NFIC: variants seen among roughly 807,000 people sequenced by gnomAD.
NFIC encodes the protein nuclear factor 1 C-type.
Under a neutral mutation model 54.4 loss-of-function variants are expected in NFIC, and 12 were observed. The observed-to-expected ratio is 0.22, with a 90% CI of 0.14 to 0.36. NFIC has a LOEUF of 0.36. NFIC is among the 10% of genes least tolerant of loss of function. NFIC has a pLI of 1.00. For synonymous variants in NFIC, 322 were observed against 319.2 expected (o/e 1.01, Z -0.09); for missense variants, 575 against 718.2 (o/e 0.80, Z 2.28).
chr19:3,463,471 C>T lies in NFIC; in HGVS notation c.*702C>T. 1.0e-6 allele frequency: 1 copy of T among 985,420 alleles called. No homozygotes were observed. The highest frequency in any genetic ancestry group is 4.7e-5 in the South Asian group (1 of 21,298). 61.0% of individuals were successfully genotyped at this position (985,420 alleles called of 1,614,324 possible). A position where few individuals can be genotyped will look rare whatever the true frequency, so the allele number is the denominator to read the frequency against. On this transcript the variant is annotated 3_prime_UTR_variant, in exon 11 of 11. Transcript: ENST00000443272. Reference sequence around the variant, plus strand: ...CAGGGGAGGAAGTGAGGCCCAGGCACCTGCTGCCCCTCGAGGGGGCCCTGC... The same window carrying T: ...CAGGGGAGGAAGTGAGGCCCAGGCATCTGCTGCCCCTCGAGGGGGCCCTGC...
At chr19:3,422,838 GC>G (rs1448342343) in intron 2 of NFIC, among the ~76,000 whole-genome samples, 4 of 152,096 alleles carry the variant, frequency 2.6e-5, no homozygotes, top group Non-Finnish European at 5.9e-5. Context: ...TGGTGAAAAA[GC>G]CCATCACAGG....
intron 6 of NFIC, among the ~76,000 whole-genome samples, chr19:3,446,551 G>A (rs761263270): frequency 6.6e-6 from 1 of 152,200 alleles, no homozygotes; most frequent in Non-Finnish European, 1.5e-5. Flanking sequence ...TCGAAGGGAA[G>A]CTAAACTCAT....
At chr19:3,380,019 G>A (rs937193887) in intron 1 of NFIC, among the ~76,000 whole-genome samples, 3 of 150,058 alleles carry the variant, frequency 2.0e-5, no homozygotes, top group Non-Finnish European at 4.4e-5. Context: ...TTTGTTTTTT[G>A]AGATGGAGTC....
intron 6 of NFIC, among the ~76,000 whole-genome samples, chr19:3,444,493 CAG>C (rs1230935472): frequency 5.3e-5 from 8 of 152,214 alleles, no homozygotes; most frequent in African/African-American, 1.9e-4. Context: ...GCTGAACAGA[CAG>C]AGGATGCTTG....
In NFIC at chr19:3,464,483, G is replaced by A; in HGVS notation, c.*1714G>A. ...GGGGAGGCCTGGGAGGGGGTGTTAG[G>A]TGTTTTAGGGCCACCGAGCTCAAAC... On this transcript the variant is annotated 3_prime_UTR_variant, in exon 11 of 11. Coordinates refer to ENST00000443272, the MANE Select transcript of NFIC (RefSeq NM_001245002.2). 2.1e-6 allele frequency: 2 copies of A among 974,514 alleles called. No individual in the cohort carries two copies. Among genetic ancestry groups the A allele is most frequent in the East Asian group, 1.2e-4 (1 of 8,334 alleles). The allele number at this position is 974,514 out of a possible 1,614,324, so 60.4% of individuals were successfully genotyped here. A position where few individuals can be genotyped will look rare whatever the true frequency, so the allele number is the denominator to read the frequency against.
chr19:3,388,200 G>T (rs1405979477), intron 2 of NFIC, among the ~76,000 whole-genome samples: 1 of 152,212 alleles, frequency 6.6e-6, no homozygotes, highest in Non-Finnish European at 1.5e-5. Flanking sequence ...CAGAGAGGCT[G>T]CCCCGGGTGC....
At position 3,373,626 on chromosome 19, in the gene NFIC, C is replaced by G. The variant is rs552633737; in HGVS notation, c.30+6960C>G. ...CAAGAGACCTTCCTGGACCCCCCCC[C>G]CAAGCTAAAAAACACCCCCCACCCC... On this transcript the variant is annotated intron_variant, in intron 1 of 10. Transcript: ENST00000443272. 6.4e-5 allele frequency among the ~76,000 whole-genome samples: 8 copies of G among 124,610 alleles called. No individual in the cohort carries two copies. In the South Asian group the frequency reaches 1.2e-3, roughly 19 times the overall value. 81.7% of individuals were successfully genotyped at this position (124,610 alleles called of 152,430 possible). A position where few individuals can be genotyped will look rare whatever the true frequency, so the allele number is the denominator to read the frequency against.
chr19:3,400,801 C>A (rs899195967), intron 2 of NFIC, among the ~76,000 whole-genome samples: 1 of 152,214 alleles, frequency 6.6e-6, no homozygotes, highest in African/African-American at 2.4e-5. Flanking sequence ...GAGATTGTAC[C>A]ACTACACTCC....
chr19:3,395,368 G>A lies in NFIC; in HGVS notation c.562+13125G>A, dbSNP rs1029361373. On this transcript the variant is annotated intron_variant, in intron 2 of 10. Coordinates refer to ENST00000443272, the MANE Select transcript of NFIC (RefSeq NM_001245002.2). ...AGTGAGAATCTAACTCTTTTGCCCA[G>A]ACTGGAGTTCAGTGGTGCAATCACA... Among the ~76,000 whole-genome samples the A allele has an allele frequency of 3.9e-5, 6 of 152,002 alleles. No homozygotes were observed. The South Asian group carries it at 1.2e-3, about 32-fold the overall frequency.
rs1343240744 is a variant in NFIC, at chr19:3,465,494, A to G, written c.*2725A>G. On this transcript the variant is annotated 3_prime_UTR_variant, in exon 11 of 11. Coordinates refer to ENST00000443272, the MANE Select transcript of NFIC (RefSeq NM_001245002.2). The stretch of plus-strand genomic sequence containing the variant: ...GCTAAAAATCAAGCCACTGAAAACA[A>G]TTGCCCCCAGGTCTACCCAGCCCCT... The G allele has an allele frequency of 6.6e-6, 1 of 150,578 alleles. No homozygotes were observed. Among genetic ancestry groups the G allele is most frequent in the African/African-American group, 2.4e-5 (1 of 40,838 alleles). The allele number at this position is 150,578 out of a possible 1,614,324, so 9.3% of individuals were successfully genotyped here.
chr19:3,460,865 C>T (rs920787045), intron 10 of NFIC, among the ~76,000 whole-genome samples: 2 of 151,552 alleles, frequency 1.3e-5, no homozygotes, highest in African/African-American at 4.8e-5. Flanking sequence ...TGGCTCATGC[C>T]TATAATCCCA....
At chr19:3,418,459 C>T (rs1238659369) in intron 2 of NFIC, among the ~76,000 whole-genome samples, 2 of 152,176 alleles carry the variant, frequency 1.3e-5, no homozygotes, top group Non-Finnish European at 2.9e-5. Context: ...GACCCTTGTA[C>T]TGATGGCTGT....
At chr19:3,423,049 T>C (rs897807598) in intron 2 of NFIC, among the ~76,000 whole-genome samples, 2 of 151,932 alleles carry the variant, frequency 1.3e-5, no homozygotes, top group African/African-American at 2.4e-5. Flanking sequence ...AATACAAAAA[T>C]TAGCCAGGCG....
intron 4 of NFIC, 121 bp from the exon 5 acceptor site, chr19:3,434,156 G>A: frequency 1.4e-6 from 2 of 1,434,098 alleles, no homozygotes; most frequent in Middle Eastern, 2.6e-4. Context: ...CTAGGAACCG[G>A]GCCAATATGG....
intron 3 of NFIC, among the ~76,000 whole-genome samples, chr19:3,430,685 G>C (rs2082105191): frequency 6.6e-6 from 1 of 151,960 alleles, no homozygotes; most frequent in African/African-American, 2.4e-5. Flanking sequence ...TGTAATCCCA[G>C]CACTTTGGGA....
In NFIC at chr19:3,464,075, G is replaced by GT. The variant is rs2082681887; in HGVS notation, c.*1306_*1307insT. ...GGGTGGGCTCTGGGGAAGCCGGTGCGCCCCCCACGCCTCCGCTGCCAGTGC... is the reference window on the plus strand; with the variant it reads ...GGGTGGGCTCTGGGGAAGCCGGTGCGTCCCCCCACGCCTCCGCTGCCAGTGC... On this transcript the variant is annotated 3_prime_UTR_variant, in exon 11 of 11. Coordinates refer to ENST00000443272, the MANE Select transcript of NFIC (RefSeq NM_001245002.2). 1.0e-6 allele frequency: 1 copy of GT among 984,846 alleles called. No homozygotes were observed. Among genetic ancestry groups the GT allele is most frequent in the African/African-American group, 1.8e-5 (1 of 57,134 alleles). The allele number at this position is 984,846 out of a possible 1,614,324, so 61.0% of individuals were successfully genotyped here.
intron 5 of NFIC, 170 bp from the exon 6 acceptor site, chr19:3,434,912 GA>G: frequency 1.2e-6 from 1 of 864,808 alleles, no homozygotes; most frequent in Non-Finnish European, 1.7e-6. Context: ...GGACAGGTTG[GA>G]ACAGGCGTTC....
intron 7 of NFIC, among the ~76,000 whole-genome samples, chr19:3,451,757 G>T (rs1220171181): frequency 6.6e-6 from 1 of 151,060 alleles, no homozygotes; most frequent in Non-Finnish European, 1.5e-5. Context: ...ATCTGATGCC[G>T]TGTGGCCCCA....
Position 3,456,656 on chromosome 19 carries a change from T to G in NFIC, c.1509+21T>G, listed in dbSNP as rs1443717529. The stretch of plus-strand genomic sequence containing the variant: ...CACAGGTAGGGGCCGAGAGGCCGGC[T>G]GGTGGGGTGGGAGGGGCAGGGCAGA... On this transcript the variant is annotated intron_variant, in intron 10 of 10. Transcript: ENST00000443272. The G allele has an allele frequency of 4.8e-6, 4 of 840,054 alleles. No individual in the cohort carries two copies. In the East Asian group the frequency reaches 1.5e-4, roughly 31 times the overall value. 52.0% of individuals were successfully genotyped at this position (840,054 alleles called of 1,614,324 possible).
Sources: allele counts gnomAD v4.1 joint callset (sites outside exome capture counted in the v4.1 genomes callset), GRCh38; gene constraint gnomAD v4.1.1; transcripts MANE v1.5; gene names NCBI Gene and HGNC (gene_info 2026-07-23, HGNC 2026-07-21).